Variants in SNF8 observed in about 807,000 individuals in gnomAD.
SNF8 encodes the protein SNF8 subunit of ESCRT-II.
In SNF8, 19 loss-of-function variants were observed where a neutral mutation model predicts 36.8. That is an observed-to-expected ratio of 0.52 (90% CI 0.36 to 0.76). SNF8 has a LOEUF of 0.76. Ranked by LOEUF, SNF8 falls within the 30% of genes least tolerant of loss-of-function variation. The pLI, the probability that SNF8 is intolerant of heterozygous loss-of-function variation, is 0.00. For synonymous variants in SNF8, 127 were observed against 127.4 expected (o/e 1.00, Z 0.02); for missense variants, 268 against 322.9 (o/e 0.83, Z 1.30).
chr17:48,944,003 T>C, intron 1 of SNF8, 28 bp from the exon 2 acceptor site: 1 of 1,612,058 alleles, frequency 6.2e-7, no homozygotes, highest in Non-Finnish European at 8.5e-7. Flanking sequence ...CAGCATAAGT[T>C]AAGAGAGTGG....
intron 2 of SNF8, among the ~76,000 whole-genome samples, chr17:48,943,049 A>G (rs1046893807): frequency 5.3e-5 from 8 of 150,310 alleles, no homozygotes; most frequent in African/African-American, 1.5e-4. Flanking sequence ...TATTTTTAGT[A>G]GAGACGGGGT....
chr17:48,943,948 A>C lies in SNF8; in HGVS notation c.82T>G (p.Leu28Val). 1 of 1,614,066 alleles carries C rather than the reference A, an allele frequency of 6.2e-7. No individual in the cohort carries two copies. Among genetic ancestry groups the C allele is most frequent in the South Asian group, 1.1e-5 (1 of 91,088 alleles). Reference protein sequence around the residue: ...EAKYKERGTVLAEDQLAQMSK... With the variant: ...EAKYKERGTVVAEDQLAQMSK... The stretch of plus-strand genomic sequence containing the variant: ...ACCTGGGCTAGCTGGTCCTCAGCCA[A>C]GACCGTCCCTCGCTCCTTATACTTG... The change falls in exon 2 of 8, where the codon TTG becomes GTG. Residue 28 changes from leucine to valine, a missense_variant. Coordinates refer to ENST00000502492, the MANE Select transcript of SNF8 (RefSeq NM_007241.4).
Position 48,929,598 on chromosome 17 carries a change from A to T in SNF8, c.*877T>A, listed in dbSNP as rs903902333. The T allele has an allele frequency of 3.9e-5, 6 of 152,038 alleles. No homozygotes were observed. The highest frequency in any genetic ancestry group is 7.4e-5 in the Non-Finnish European group (5 of 68,024). The allele number at this position is 152,038 out of a possible 1,614,324, so 9.4% of individuals were successfully genotyped here. A position where few individuals can be genotyped will look rare whatever the true frequency, so the allele number is the denominator to read the frequency against. ...TCTTGGCTGACCACGTGTGTAGAAA[A>T]ATGTCTACACACAGTATGTGCTGCC... On this transcript the variant is annotated 3_prime_UTR_variant, in exon 8 of 8. Coordinates refer to ENST00000502492, the MANE Select transcript of SNF8 (RefSeq NM_007241.4).
At chr17:48,943,473 T>G (rs2041060755) in intron 2 of SNF8, among the ~76,000 whole-genome samples, 1 of 152,182 alleles carries the variant, frequency 6.6e-6, no homozygotes, top group Admixed American at 6.5e-5. Flanking sequence ...CCAGGCGTGG[T>G]GGCGCATGTC....
Position 48,944,797 on chromosome 17 carries a change from C to A in SNF8, c.-63G>T. ...CCCCGGGTCTCCACGTCCCGGACTC[C>A]GCCGCCGGCTCCCCAAGGCGGAAGC... On this transcript the variant is annotated 5_prime_UTR_variant, in exon 1 of 8. Coordinates refer to ENST00000502492, the MANE Select transcript of SNF8 (RefSeq NM_007241.4). The A allele has an allele frequency of 6.7e-7, 1 of 1,490,466 alleles. No homozygotes were observed. Among genetic ancestry groups the A allele is most frequent in the Non-Finnish European group, 8.8e-7 (1 of 1,130,554 alleles). The allele number at this position is 1,490,466 out of a possible 1,614,324, so 92.3% of individuals were successfully genotyped here.
chr17:48,943,762 T>C (rs1567790858), intron 2 of SNF8, among the ~76,000 whole-genome samples, 163 bp downstream of exon 2: 1 of 152,232 alleles, frequency 6.6e-6, no homozygotes, highest in Non-Finnish European at 1.5e-5. Flanking sequence ...TTAGCCATTA[T>C]TGTTATTAGC....
chr17:48,944,771 A>C lies in SNF8; in HGVS notation c.-37T>G. On this transcript the variant is annotated 5_prime_UTR_variant, in exon 1 of 8. Coordinates refer to ENST00000502492, the MANE Select transcript of SNF8 (RefSeq NM_007241.4). ...GCCCGCGGGCCGCCCGGCTGCCGGG[A>C]CCCCGGGTCTCCACGTCCCGGACTC... 1 of 1,578,814 alleles carries C rather than the reference A, an allele frequency of 6.3e-7. No individual in the cohort carries two copies. Among genetic ancestry groups the C allele is most frequent in the Non-Finnish European group, 8.6e-7 (1 of 1,168,260 alleles).
At chr17:48,937,920 G>A (rs930657753) in intron 3 of SNF8, among the ~76,000 whole-genome samples, 4 of 142,638 alleles carry the variant, frequency 2.8e-5, no homozygotes, top group African/African-American at 1.1e-4. Flanking sequence ...GTGAGACTCC[G>A]TTTCAAAAAA....
chr17:48,942,837 C>T (rs1486055933), intron 2 of SNF8, among the ~76,000 whole-genome samples: 4 of 140,786 alleles, frequency 2.8e-5, no homozygotes, highest in South Asian at 4.6e-4. Flanking sequence ...CGTTAGCCAC[C>T]GCACCCGGCC....
At chr17:48,936,651 C>G (rs1294220610) in intron 4 of SNF8, 1 of 330,318 alleles carries the variant, frequency 3.0e-6, no homozygotes, top group African/African-American at 2.1e-5. Flanking sequence ...TTAGGGAACA[C>G]AGACTCAGTT....
In SNF8 at chr17:48,930,611, TC is replaced by T; in HGVS notation, c.640del (p.Glu214AsnfsTer4). 1.2e-6 allele frequency: 2 copies of T among 1,613,160 alleles called. No homozygotes were observed. Among genetic ancestry groups the T allele is most frequent in the Non-Finnish European group, 1.7e-6 (2 of 1,179,534 alleles). ...CGCCAACCCTTCCTTCAGCAGGTGT[TC>T]CTGGAGGGAAAAGGGAAGAAGAGCA... is the stretch of plus-strand genomic sequence containing the variant. ...WETERARQVL[E>X]HLLKEGLAWL... is the part of the protein sequence containing the mutation. On this transcript the variant is annotated frameshift_variant and splice_region_variant, in exon 8 of 8. Coordinates refer to ENST00000502492, the MANE Select transcript of SNF8 (RefSeq NM_007241.4). LOFTEE classifies it high-confidence loss of function.
Position 48,943,913 on chromosome 17 carries a change from C to A in SNF8, c.105+12G>T, listed in dbSNP as rs945015849. 1 of 1,613,778 alleles carries A rather than the reference C, an allele frequency of 6.2e-7. No individual in the cohort carries two copies. Among genetic ancestry groups the A allele is most frequent in the African/African-American group, 1.3e-5 (1 of 74,912 alleles). ...GTCTCCCTCCCTGCCTGGGGCCCCCCAACCGACTTACCTGGGCTAGCTGGT... is the reference window on the plus strand; with the variant it reads ...GTCTCCCTCCCTGCCTGGGGCCCCCAAACCGACTTACCTGGGCTAGCTGGT... On this transcript the variant is annotated intron_variant, in intron 2 of 7. Coordinates refer to ENST00000502492, the MANE Select transcript of SNF8 (RefSeq NM_007241.4).
At position 48,930,682 on chromosome 17, in the gene SNF8, C is replaced by T. The variant is rs1226033446; in HGVS notation, c.640-70G>A. 2.7e-6 allele frequency: 4 copies of T among 1,484,876 alleles called. No individual in the cohort carries two copies. The South Asian group carries it at 3.9e-5, about 14-fold the overall frequency. The allele number at this position is 1,484,876 out of a possible 1,614,324, so 92.0% of individuals were successfully genotyped here. A position where few individuals can be genotyped will look rare whatever the true frequency, so the allele number is the denominator to read the frequency against. ...CCATAGACAAAGGGTAGGTAAGCAA[C>T]CCCCACACCTATTTTGGCTTCAGTG... On this transcript the variant is annotated intron_variant, in intron 7 of 7. Coordinates refer to ENST00000502492, the MANE Select transcript of SNF8 (RefSeq NM_007241.4).
intron 3 of SNF8, 176 bp from the exon 4 acceptor site, chr17:48,937,300 C>G: frequency 2.8e-6 from 2 of 703,696 alleles, no homozygotes; most frequent in Non-Finnish European, 5.2e-6. Flanking sequence ...TGCTGAAGAA[C>G]AGGGTCAGAC....
intron 5 of SNF8, 30 bp from the exon 6 acceptor site, chr17:48,933,376 C>G (rs763455892): frequency 6.2e-7 from 1 of 1,613,546 alleles, no homozygotes; most frequent in South Asian, 1.1e-5. Context: ...CTTAACGACC[C>G]TTGGCAGAAT....
intron 6 of SNF8, chr17:48,932,927 A>G (rs2040880927): frequency 6.0e-6 from 2 of 332,218 alleles, no homozygotes; most frequent in South Asian, 1.2e-4. Flanking sequence ...ACCCAAAGAA[A>G]TCTAGTTAGT....
At chr17:48,934,103 G>A (rs1006962384) in intron 5 of SNF8, among the ~76,000 whole-genome samples, 1 of 152,126 alleles carries the variant, frequency 6.6e-6, no homozygotes, top group Non-Finnish European at 1.5e-5. Context: ...ACAGTGTGTA[G>A]ATCACATATC....
rs567850004 is a variant in SNF8 at position 48,937,576 on chromosome 17, G to A, written c.245-452C>T. On this transcript the variant is annotated intron_variant, in intron 3 of 7. Coordinates refer to ENST00000502492, the MANE Select transcript of SNF8 (RefSeq NM_007241.4). ...ACCCAGGAGGCAGAAGTTGCAGTGA[G>A]CCAAGATCGCGCCACCATACTCCAG... 7.4e-4 allele frequency among the ~76,000 whole-genome samples: 111 copies of A among 150,626 alleles called. 2 individuals carry two copies. Among genetic ancestry groups the A allele is most frequent in the Admixed American group, 2.9e-3 (44 of 14,986 alleles).
chr17:48,930,251 A>G lies in SNF8; in HGVS notation c.*224T>C, dbSNP rs757521329. On this transcript the variant is annotated 3_prime_UTR_variant, in exon 8 of 8. Transcript: ENST00000502492. ...AGATGACCTACAAAAATCATTTTAT[A>G]TGTGCTTGCCGTTCTCTGTGTTAAT... 3.6e-5 allele frequency: 14 copies of G among 392,758 alleles called. No homozygotes were observed. The highest frequency in any genetic ancestry group is 1.2e-4 in the African/African-American group (6 of 49,182). 24.3% of individuals were successfully genotyped at this position (392,758 alleles called of 1,614,324 possible).
Sources: allele counts gnomAD v4.1 joint callset (sites outside exome capture counted in the v4.1 genomes callset), GRCh38; gene constraint gnomAD v4.1.1; transcripts MANE v1.5; gene names NCBI Gene and HGNC (gene_info 2026-07-23, HGNC 2026-07-21).